FSTL4: variants seen among roughly 807,000 people sequenced by gnomAD.
The protein encoded by FSTL4 is follistatin-related protein 4.
A neutral mutation model predicts 78.2 loss-of-function variants in FSTL4; 28 were observed. That is an observed-to-expected ratio of 0.36 (90% confidence interval 0.27 to 0.49). The LOEUF (loss-of-function observed/expected upper bound fraction) is 0.49, where lower values mean the gene tolerates loss of function less well. Among genes scored for constraint, FSTL4 ranks in the 20% least tolerant of loss-of-function variants. The probability of loss-of-function intolerance (pLI) is 0.98; values close to 1 mark genes in which losing one functional copy is unlikely to be tolerated. For synonymous variants in FSTL4, 422 were observed against 440.5 expected (o/e 0.96, Z 0.53); for missense variants, 922 against 1,084.9 (o/e 0.85, Z 2.11).
At chr5:133,416,156 G>A (rs1049210022) in intron 3 of FSTL4, among the ~76,000 whole-genome samples, 2 of 152,266 alleles carry the variant, frequency 1.3e-5, no homozygotes, top group Middle Eastern at 3.4e-3. Context: ...CAGAAAGTAA[G>A]GAATCACTTA....
At chr5:133,604,813 GT>G (rs1760942655) in intron 1 of FSTL4, among the ~76,000 whole-genome samples, 1 of 152,182 alleles carries the variant, frequency 6.6e-6, no homozygotes, top group Non-Finnish European at 1.5e-5. Flanking sequence ...GCATCATAAG[GT>G]CTAATATCTT....
At chr5:133,435,697 C>T (rs2126999126) in intron 3 of FSTL4, among the ~76,000 whole-genome samples, 1 of 152,330 alleles carries the variant, frequency 6.6e-6, no homozygotes, top group East Asian at 1.9e-4. Context: ...GTATGTTAAA[C>T]TCTCACACTA....
At chr5:133,395,651 A>G (rs1165308108) in intron 4 of FSTL4, among the ~76,000 whole-genome samples, 2 of 151,792 alleles carry the variant, frequency 1.3e-5, no homozygotes, top group African/African-American at 2.4e-5. Context: ...ATCCCCAACT[A>G]TGCTCTCCCC....
At chr5:133,770,498 A>G in the FSTL4 span, among the ~76,000 whole-genome samples, 1 of 151,912 alleles carries the variant, frequency 6.6e-6, no homozygotes, top group South Asian at 2.1e-4. Flanking sequence ...CAGTGTTTTC[A>G]TATGTTTGTT....
chr5:133,726,089 G>A, the FSTL4 span, among the ~76,000 whole-genome samples: 2 of 152,260 alleles, frequency 1.3e-5, no homozygotes, highest in Admixed American at 1.3e-4. Flanking sequence ...ACTATTAGCT[G>A]AGAAAATATC....
At chr5:133,221,236 A>C (rs570527236) in intron 11 of FSTL4, among the ~76,000 whole-genome samples, 1 of 152,220 alleles carries the variant, frequency 6.6e-6, no homozygotes, top group Non-Finnish European at 1.5e-5. Context: ...AGGATGGATC[A>C]GTGGATGCCA....
chr5:133,552,902 A>C (rs969923488), intron 3 of FSTL4, among the ~76,000 whole-genome samples: 3 of 152,216 alleles, frequency 2.0e-5, no homozygotes, highest in African/African-American at 4.8e-5. Context: ...AATTAGCAGC[A>C]GATAGGAGAG....
At chr5:133,722,230 T>C in the FSTL4 span, among the ~76,000 whole-genome samples, 1 of 152,040 alleles carries the variant, frequency 6.6e-6, no homozygotes, top group African/African-American at 2.4e-5. Flanking sequence ...AACCCTATAG[T>C]GAACTGCATA....
intron 3 of FSTL4, among the ~76,000 whole-genome samples, chr5:133,547,803 C>G (rs1186904360): frequency 6.6e-6 from 1 of 152,122 alleles, no homozygotes; most frequent in Non-Finnish European, 1.5e-5. Flanking sequence ...CCAAAATAAA[C>G]CTCTTTTTTT....
At chr5:133,549,125 G>A (rs1759640885) in intron 3 of FSTL4, among the ~76,000 whole-genome samples, 1 of 152,138 alleles carries the variant, frequency 6.6e-6, no homozygotes, top group Non-Finnish European at 1.5e-5. Context: ...TCCTGTATCT[G>A]AGGATAGCTG....
Position 133,361,309 on chromosome 5 carries a change from C to G in FSTL4, c.409+39429G>C, listed in dbSNP as rs1299247163. On this transcript the variant is annotated intron_variant, in intron 4 of 15. Transcript: ENST00000265342. This position sits in a 1 kb window ranked among gnomAD's most constrained non-coding sequence, Gnocchi z 4.3. ...GGAGTGGGAGACCCTTACCTCTGCC[C>G]CTTTGTATGTTATCTTGAGATTTCG... Among the ~76,000 whole-genome samples, 1 of 152,172 alleles carries G rather than the reference C, an allele frequency of 6.6e-6. No homozygotes were observed. The highest frequency in any genetic ancestry group is 1.9e-4 in the East Asian group (1 of 5,194).
chr5:133,272,222 GGGACTGAAAATTAATGACAC>G (rs1012539526), intron 6 of FSTL4, among the ~76,000 whole-genome samples: 4 of 152,236 alleles, frequency 2.6e-5, no homozygotes, highest in Non-Finnish European at 4.4e-5. Flanking sequence ...GTTAAAAACA[GGGACTGAAAATTAATGACAC>G]GGCCATTTCT....
intron 2 of FSTL4, among the ~76,000 whole-genome samples, chr5:133,597,250 T>C (rs566223196): frequency 7.9e-5 from 12 of 152,280 alleles, no homozygotes; most frequent in Admixed American, 2.0e-4. Context: ...AGCCCACTCA[T>C]TGGGCCTTGT....
intron 4 of FSTL4, among the ~76,000 whole-genome samples, chr5:133,326,922 G>A (rs1281750459): frequency 1.3e-5 from 2 of 152,228 alleles, no homozygotes; most frequent in Non-Finnish European, 2.9e-5. Flanking sequence ...AACTCAGCCT[G>A]CCTCCTGTCC....
intron 3 of FSTL4, among the ~76,000 whole-genome samples, chr5:133,554,913 G>C (rs897761582): frequency 1.3e-5 from 2 of 152,182 alleles, no homozygotes; most frequent in African/African-American, 4.8e-5. Flanking sequence ...GGTCAGAATG[G>C]TATTCTCAGT....
chr5:133,675,971 G>A, the FSTL4 span, among the ~76,000 whole-genome samples: 8 of 152,212 alleles, frequency 5.3e-5, no homozygotes, highest in East Asian at 5.8e-4. Flanking sequence ...CCAGGGCCCC[G>A]CCCTTTGTGA....
At chr5:133,701,468 A>AACACACACACACACACACACAC in the FSTL4 span, among the ~76,000 whole-genome samples, 12 of 129,030 alleles carry the variant, frequency 9.3e-5, no homozygotes, top group Non-Finnish European at 1.9e-4. Flanking sequence ...AAGACACAGA[A>AACACACACACACACACACACAC]ACACACACAC....
At chr5:133,233,941 G>A (rs1178256181) in intron 7 of FSTL4, among the ~76,000 whole-genome samples, 2 of 152,158 alleles carry the variant, frequency 1.3e-5, no homozygotes, top group South Asian at 2.1e-4. Flanking sequence ...TGTTTAGAGC[G>A]GGGGTTAGCT....
intron 3 of FSTL4, among the ~76,000 whole-genome samples, chr5:133,525,205 T>C (rs13181827): frequency 0.037 from 5,583 of 152,300 alleles, 209 homozygotes; most frequent in African/African-American, 0.092. Flanking sequence ...TAGATCTCCA[T>C]GTGAATTCGC....
Sources: gnomAD v4.1 joint callset for allele counts (sites outside exome capture counted in the v4.1 genomes callset) on GRCh38, gnomAD v4.1.1 for gene constraint, Gnocchi (gnomAD v3.1) non-coding constraint, MANE v1.5 for transcripts, NCBI Gene and HGNC (gene_info 2026-07-23, HGNC 2026-07-21) for gene names.